Variants in SPIRE2 observed in about 807,000 individuals in gnomAD.
SPIRE2 encodes spire type actin nucleation factor 2.
A neutral mutation model predicts 80.7 loss-of-function variants in SPIRE2; 76 were observed. The observed-to-expected ratio is 0.94, with a 90% CI of 0.78 to 1.14. The LOEUF (loss-of-function observed/expected upper bound fraction) is 1.14. Among genes scored for constraint, SPIRE2 ranks in the 50% most tolerant of loss-of-function variants. The pLI is 0.00. For missense variants in SPIRE2, 1,196 were observed against 1,015.3 expected (o/e 1.18, Z -2.42); for synonymous variants, 535 against 432.6 (o/e 1.24, Z -2.94).
intron 2 of SPIRE2, among the ~76,000 whole-genome samples, chr16:89,848,182 G>T (rs1275894854): frequency 6.6e-6 from 1 of 152,242 alleles, no homozygotes; most frequent in East Asian, 1.9e-4. Flanking sequence ...ACTGTGCCCA[G>T]GAGGGGCCCT....
intron 12 of SPIRE2, among the ~76,000 whole-genome samples, chr16:89,864,927 C>T (rs756918765): frequency 1.3e-5 from 2 of 151,072 alleles, no homozygotes; most frequent in Admixed American, 6.6e-5. Context: ...TTTTGTAACA[C>T]GTGTGTAAGT....
chr16:89,870,045 C>A lies in SPIRE2; in HGVS notation c.1923-5C>A, dbSNP rs1013311888. The A allele has an allele frequency of 1.9e-6, 3 of 1,611,114 alleles. No individual in the cohort carries two copies. Among genetic ancestry groups the A allele is most frequent in the Middle Eastern group, 1.9e-4 (1 of 5,278 alleles). ...TCTCCCTGAGTGCCCTCTCCCACTTCCCAGGTCTCTGCAAGGGCCACAGTG... is the reference window on the plus strand; with the variant it reads ...TCTCCCTGAGTGCCCTCTCCCACTTACCAGGTCTCTGCAAGGGCCACAGTG... On this transcript the variant is annotated splice_polypyrimidine_tract_variant and splice_region_variant and intron_variant, in intron 14 of 14. Transcript: ENST00000378247.
At chr16:89,839,558 T>C (rs995160652) in intron 1 of SPIRE2, among the ~76,000 whole-genome samples, 1 of 152,140 alleles carries the variant, frequency 6.6e-6, no homozygotes, top group African/African-American at 2.4e-5. Context: ...CTGTCTGCCC[T>C]GGCCCTGGTG....
chr16:89,836,307 A>G (rs2041448881), intron 1 of SPIRE2: 1 of 455,146 alleles, frequency 2.2e-6, no homozygotes, highest in African/African-American at 2.0e-5. Flanking sequence ...GTACATGCTC[A>G]CAGGTTCTGG....
At chr16:89,859,437 A>C in intron 9 of SPIRE2, 83 bp downstream of exon 9, 1 of 895,100 alleles carries the variant, frequency 1.1e-6, no homozygotes, top group Non-Finnish European at 1.5e-6. Context: ...ACCTCAGCCC[A>C]CATCTTCCTG....
At position 89,856,235 on chromosome 16, in the gene SPIRE2, C is replaced by A; in HGVS notation, c.1101C>A (p.Arg367=). 4 of 1,569,090 alleles carry A rather than the reference C, an allele frequency of 2.5e-6. No homozygotes were observed. Among genetic ancestry groups the A allele is most frequent in the South Asian group, 2.3e-5 (2 of 86,116 alleles). ...TGCGGGGCGAGGGCTGGGCTGCCCGCGGTGAGTGAGGGGATGGCAGGAGAA... is the reference window on the plus strand; with the variant it reads ...TGCGGGGCGAGGGCTGGGCTGCCCGAGGTGAGTGAGGGGATGGCAGGAGAA... ...RPVRGEGWAA[R]GFGSLPCILN... The change falls in exon 7 of 15, where the codon CGC becomes CGA. Residue 367 remains arginine, a splice_region_variant and synonymous_variant. Coordinates refer to ENST00000378247, the MANE Select transcript of SPIRE2 (RefSeq NM_032451.2).
rs556180211 is a variant in SPIRE2, at chr16:89,835,250, C to A, written c.244+6456C>A. On this transcript the variant is annotated intron_variant, in intron 1 of 14. Coordinates refer to ENST00000378247, the MANE Select transcript of SPIRE2 (RefSeq NM_032451.2). ...TCTTAGAAGCGTGGATAAGCATAGC[C>A]CGTGTGATTTTTCGCTGAGCCCTGG... 3.5e-5 allele frequency among the ~76,000 whole-genome samples: 5 copies of A among 144,138 alleles called. No homozygotes were observed. The East Asian group carries it at 7.7e-4, about 22-fold the overall frequency. The allele number at this position is 144,138 out of a possible 152,430, so 94.6% of individuals were successfully genotyped here.
At chr16:89,865,737 C>T (rs1303723678) in intron 12 of SPIRE2, among the ~76,000 whole-genome samples, 3 of 150,852 alleles carry the variant, frequency 2.0e-5, no homozygotes, top group Non-Finnish European at 3.0e-5. Flanking sequence ...GGGAGGCCAA[C>T]GCTGGCAGAT....
intron 1 of SPIRE2, among the ~76,000 whole-genome samples, chr16:89,834,377 C>A (rs905576812): frequency 2.7e-4 from 29 of 105,710 alleles, no homozygotes; most frequent in South Asian, 3.6e-4. Context: ...TCGTAGAAGC[C>A]TGGATAAGCA....
chr16:89,841,125 A>C (rs2041502152), intron 1 of SPIRE2, among the ~76,000 whole-genome samples: 1 of 151,588 alleles, frequency 6.6e-6, no homozygotes. Flanking sequence ...TCATGGCTGC[A>C]GTGAGCCATG....
chr16:89,858,978 G>A (rs2041717900), intron 8 of SPIRE2, among the ~76,000 whole-genome samples, 187 bp from the exon 9 acceptor site: 1 of 152,206 alleles, frequency 6.6e-6, no homozygotes, highest in Non-Finnish European at 1.5e-5. Context: ...AAGGCCTGGG[G>A]AAGGGCTTGG....
chr16:89,853,197 C>T (rs2041653515), intron 3 of SPIRE2, among the ~76,000 whole-genome samples: 1 of 152,210 alleles, frequency 6.6e-6, no homozygotes, highest in Admixed American at 6.5e-5. Context: ...GAGACACAGT[C>T]TTACTCTGTT....
chr16:89,830,500 G>A (rs1414002188), intron 1 of SPIRE2, among the ~76,000 whole-genome samples: 1 of 151,252 alleles, frequency 6.6e-6, no homozygotes, highest in East Asian at 1.9e-4. Flanking sequence ...GAGACATCAG[G>A]CCAGCTGTCT....
chr16:89,843,324 A>AG (rs1227802263), intron 1 of SPIRE2, among the ~76,000 whole-genome samples: 1 of 152,138 alleles, frequency 6.6e-6, no homozygotes, highest in Admixed American at 6.6e-5. Flanking sequence ...CTCCAGCGTG[A>AG]GCACCGGCAA....
chr16:89,869,052 AAAT>A (rs1286483039), intron 13 of SPIRE2, among the ~76,000 whole-genome samples: 1 of 74,618 alleles, frequency 1.3e-5, no homozygotes, highest in African/African-American at 5.8e-5. Flanking sequence ...AAAAAAAAAA[AAAT>A]ATATATATAT....
chr16:89,834,548 G>A (rs575402730), intron 1 of SPIRE2, among the ~76,000 whole-genome samples: 2 of 107,124 alleles, frequency 1.9e-5, no homozygotes, highest in East Asian at 2.8e-4. Context: ...GAACCTGCCC[G>A]CATTCGCGGT....
intron 1 of SPIRE2, among the ~76,000 whole-genome samples, chr16:89,829,963 A>G (rs2041363789): frequency 6.6e-6 from 1 of 151,264 alleles, no homozygotes; most frequent in Non-Finnish European, 1.5e-5. Context: ...AGCCTCTGTG[A>G]AAGGGTGCCT....
At chr16:89,835,240 T>TA (rs2041436463) in intron 1 of SPIRE2, among the ~76,000 whole-genome samples, 1 of 144,160 alleles carries the variant, frequency 6.9e-6, no homozygotes, top group Admixed American at 6.7e-5. Context: ...GAAGCGTGGA[T>TA]AAGCATAGCC....
At position 89,863,431 on chromosome 16, in the gene SPIRE2, G is replaced by A. The variant is rs755531041; in HGVS notation, c.1576-45G>A. ...CCTCAGGGAAGGAGAGTAAGCTAGG[G>A]GAGCCTCCTGCATAGAAGACTTCCT... On this transcript the variant is annotated intron_variant, in intron 10 of 14. Coordinates refer to ENST00000378247, the MANE Select transcript of SPIRE2 (RefSeq NM_032451.2). This position sits in a 1 kb window ranked among gnomAD's most constrained non-coding sequence, Gnocchi z 4.3. 6.2e-7 allele frequency: 1 copy of A among 1,610,526 alleles called. No individual in the cohort carries two copies. The highest frequency in any genetic ancestry group is 1.3e-5 in the African/African-American group (1 of 74,834).
Sources: gnomAD v4.1 joint callset for allele counts (sites outside exome capture counted in the v4.1 genomes callset) on GRCh38, gnomAD v4.1.1 for gene constraint, Gnocchi (gnomAD v3.1) non-coding constraint, MANE v1.5 for transcripts, NCBI Gene and HGNC (gene_info 2026-07-23, HGNC 2026-07-21) for gene names.